ELMO1: variants seen among roughly 807,000 people sequenced by gnomAD.
ELMO1 encodes the protein engulfment and cell motility protein 1.
In ELMO1, 26 loss-of-function variants were observed where a neutral mutation model predicts 98.9. The observed-to-expected ratio is 0.26, with a 90% CI of 0.19 to 0.36. The LOEUF is 0.36. Among genes scored for constraint, ELMO1 ranks in the 10% least tolerant of loss-of-function variants. The probability of loss-of-function intolerance (pLI) is 1.00; values close to 1 mark genes in which losing one functional copy is unlikely to be tolerated. For synonymous variants in ELMO1, 346 were observed against 346.0 expected (o/e 1.00, Z 0.00); for missense variants, 627 against 935.2 (o/e 0.67, Z 4.30).
At chr7:36,964,186 G>C (rs1789207433) in intron 16 of ELMO1, among the ~76,000 whole-genome samples, 1 of 152,122 alleles carries the variant, frequency 6.6e-6, no homozygotes, top group Non-Finnish European at 1.5e-5. Context: ...ATATGACTCA[G>C]TGAAATACAA....
At chr7:37,396,755 A>T (rs1348409970) in intron 1 of ELMO1, among the ~76,000 whole-genome samples, 1 of 152,242 alleles carries the variant, frequency 6.6e-6, no homozygotes, top group Non-Finnish European at 1.5e-5. Flanking sequence ...CATTGAAGGG[A>T]CATGCAGTTA....
intron 1 of ELMO1, among the ~76,000 whole-genome samples, chr7:37,432,521 T>C (rs7777258): frequency 0.25 from 37,993 of 152,182 alleles, 4,808 homozygotes; most frequent in South Asian, 0.36. Flanking sequence ...CAGGATAAAT[T>C]GTTCCAGAGA....
chr7:37,156,566 T>A (rs923265933), intron 13 of ELMO1, among the ~76,000 whole-genome samples: 1 of 151,872 alleles, frequency 6.6e-6, no homozygotes, highest in African/African-American at 2.4e-5. Flanking sequence ...AACTAGAAAA[T>A]CTAGAAGAAA....
intron 7 of ELMO1, among the ~76,000 whole-genome samples, chr7:37,239,832 A>C (rs1174029252): frequency 6.6e-5 from 10 of 152,226 alleles, no homozygotes. Context: ...TTCAATAACT[A>C]AATGCTGCCT....
chr7:36,968,383 T>G (rs992023191), intron 16 of ELMO1, among the ~76,000 whole-genome samples: 3 of 152,252 alleles, frequency 2.0e-5, no homozygotes, highest in Non-Finnish European at 4.4e-5. Flanking sequence ...AAGACTGTAC[T>G]AATCTATACT....
intron 18 of ELMO1, among the ~76,000 whole-genome samples, chr7:36,882,286 T>G (rs1201433998): frequency 5.3e-5 from 8 of 152,230 alleles, no homozygotes; most frequent in Non-Finnish European, 7.3e-5. Flanking sequence ...TGCCAAGTCT[T>G]CTGTGTGTTC....
In ELMO1 at chr7:37,151,545, C is replaced by T. The variant is rs149465437; in HGVS notation, c.1087-18311G>A. On this transcript the variant is annotated intron_variant, in intron 13 of 21. Transcript: ENST00000310758. Reference sequence around the variant, plus strand: ...ATTGGGTTGAACCACTTAAGTGACACTATCTGGCCATTTTTGACGTACAAA... The same window carrying T: ...ATTGGGTTGAACCACTTAAGTGACATTATCTGGCCATTTTTGACGTACAAA... Among the ~76,000 whole-genome samples, 260 of 152,256 alleles carry T rather than the reference C, an allele frequency of 1.7e-3. 2 individuals carry two copies. Among genetic ancestry groups the T allele is most frequent in the African/African-American group, 5.7e-3 (237 of 41,554 alleles).
intron 13 of ELMO1, among the ~76,000 whole-genome samples, chr7:37,179,201 G>A (rs1458672842): frequency 1.3e-5 from 2 of 151,832 alleles, no homozygotes; most frequent in African/African-American, 4.8e-5. Context: ...TTTCTTAGAG[G>A]GAACAGACTG....
chr7:37,331,359 A>ATTT, intron 2 of ELMO1, among the ~76,000 whole-genome samples: 3 of 81,436 alleles, frequency 3.7e-5, no homozygotes, highest in African/African-American at 9.5e-5. Flanking sequence ...TTTTTTTGGA[A>ATTT]TTTTAGTAGA....
intron 13 of ELMO1, among the ~76,000 whole-genome samples, chr7:37,151,158 TC>T (rs1248092505): frequency 1.3e-5 from 2 of 152,236 alleles, no homozygotes; most frequent in African/African-American, 4.8e-5. Flanking sequence ...CTGATTTGAA[TC>T]CTCAGAGTCA....
At chr7:37,080,599 AATTT>A (rs1437246863) in intron 15 of ELMO1, among the ~76,000 whole-genome samples, 1 of 123,516 alleles carries the variant, frequency 8.1e-6, no homozygotes, top group Non-Finnish European at 1.7e-5. Context: ...CACCACGCCT[AATTT>A]TTTTTTTTTT....
At chr7:37,288,524 C>T (rs1309179146) in intron 4 of ELMO1, among the ~76,000 whole-genome samples, 1 of 152,218 alleles carries the variant, frequency 6.6e-6, no homozygotes, top group Non-Finnish European at 1.5e-5. Flanking sequence ...ACATGCCCCA[C>T]CTTGTGTCAC....
chr7:37,296,227 T>C (rs1040560829), intron 4 of ELMO1, among the ~76,000 whole-genome samples: 3 of 152,168 alleles, frequency 2.0e-5, no homozygotes, highest in African/African-American at 7.2e-5. Context: ...CAGGTTGTTG[T>C]AGAATTCATT....
chr7:36,960,324 C>T (rs1053410782), intron 16 of ELMO1, among the ~76,000 whole-genome samples: 4 of 152,244 alleles, frequency 2.6e-5, no homozygotes, highest in African/African-American at 9.6e-5. Flanking sequence ...CTAAGACTAG[C>T]TCTCTGAGAC....
At chr7:37,238,481 A>G (rs1410950414) in intron 7 of ELMO1, among the ~76,000 whole-genome samples, 1 of 152,194 alleles carries the variant, frequency 6.6e-6, no homozygotes, top group Non-Finnish European at 1.5e-5. Flanking sequence ...TTCTAAATAG[A>G]TAATCATGTT....
chr7:37,341,195 A>G (rs773175008), intron 2 of ELMO1, among the ~76,000 whole-genome samples: 3 of 152,316 alleles, frequency 2.0e-5, no homozygotes, highest in Non-Finnish European at 2.9e-5. Flanking sequence ...ATGCAACAAG[A>G]CAGAGGGCCC....
intron 13 of ELMO1, among the ~76,000 whole-genome samples, chr7:37,153,121 TTA>T (rs1385215823): frequency 6.6e-6 from 1 of 152,194 alleles, no homozygotes; most frequent in African/African-American, 2.4e-5. Flanking sequence ...ACTTCGGGAA[TTA>T]TATCTCACAG....
intron 4 of ELMO1, among the ~76,000 whole-genome samples, chr7:37,299,249 G>A (rs1329939485): frequency 7.0e-6 from 1 of 142,046 alleles, no homozygotes; most frequent in Non-Finnish European, 1.5e-5. Context: ...TCCCATTTTT[G>A]TAGGTTGCCT....
At chr7:37,000,510 T>C (rs946684291) in intron 16 of ELMO1, among the ~76,000 whole-genome samples, 3 of 152,220 alleles carry the variant, frequency 2.0e-5, no homozygotes, top group Admixed American at 2.0e-4. Flanking sequence ...CCCACTCTTA[T>C]GACATTCTAA....
Sources: gnomAD v4.1 joint callset for allele counts (sites outside exome capture counted in the v4.1 genomes callset) on GRCh38, gnomAD v4.1.1 for gene constraint, MANE v1.5 for transcripts, NCBI Gene and HGNC (gene_info 2026-07-23, HGNC 2026-07-21) for gene names.